Variants in LARP4B observed in about 807,000 individuals in gnomAD.
LARP4B encodes the protein la-related protein 4B.
A neutral mutation model predicts 89.8 loss-of-function variants in LARP4B; 12 were observed. The observed-to-expected ratio is 0.13, with a 90% CI of 0.09 to 0.22. LARP4B has a LOEUF of 0.22. LARP4B is among the 10% of genes least tolerant of loss of function. The pLI is 1.00. For synonymous variants in LARP4B, 367 were observed against 363.3 expected (o/e 1.01, Z -0.12); for missense variants, 757 against 947.7 (o/e 0.80, Z 2.64).
the LARP4B span, among the ~76,000 whole-genome samples, chr10:951,176 T>A: frequency 9.9e-5 from 15 of 152,212 alleles, no homozygotes; most frequent in African/African-American, 3.4e-4. Context: ...GTCTTTTCCA[T>A]TAAGTATCCT....
chr10:981,165 C>T, the LARP4B span, among the ~76,000 whole-genome samples: 1 of 152,310 alleles, frequency 6.6e-6, no homozygotes, highest in African/African-American at 2.4e-5. Context: ...GATCCAGTTC[C>T]CAATAATTTC....
At chr10:919,096 A>G (rs1219155882) in intron 1 of LARP4B, among the ~76,000 whole-genome samples, 1 of 152,190 alleles carries the variant, frequency 6.6e-6, no homozygotes, top group Non-Finnish European at 1.5e-5. Flanking sequence ...AAAGATAACC[A>G]CAATGAAAAT....
the LARP4B span, among the ~76,000 whole-genome samples, chr10:945,181 C>T: frequency 5.8e-4 from 87 of 150,764 alleles, 2 homozygotes; most frequent in South Asian, 6.3e-3. Context: ...GTCAGGAGTT[C>T]GAGACCAGCC....
the LARP4B span, among the ~76,000 whole-genome samples, chr10:965,164 T>TCCAG: frequency 8.5e-5 from 13 of 152,202 alleles, no homozygotes; most frequent in Non-Finnish European, 5.9e-5. Context: ...AATGGGTCCT[T>TCCAG]CCAGCCGTGT....
the LARP4B span, among the ~76,000 whole-genome samples, chr10:957,124 G>A: frequency 6.6e-6 from 1 of 152,056 alleles, no homozygotes; most frequent in Admixed American, 6.6e-5. Context: ...CTTCCTTCCG[G>A]GGAATCTGGT....
intron 1 of LARP4B, among the ~76,000 whole-genome samples, chr10:914,359 T>C (rs1352112124): frequency 2.0e-5 from 3 of 152,054 alleles, no homozygotes; most frequent in Admixed American, 1.3e-4. Context: ...GATCTTTGTA[T>C]GGTCAAAATG....
At chr10:951,515 C>A in the LARP4B span, among the ~76,000 whole-genome samples, 1 of 152,034 alleles carries the variant, frequency 6.6e-6, no homozygotes, top group Non-Finnish European at 1.5e-5. Context: ...CACTGCACTC[C>A]AGCCTGGGTG....
At chr10:861,531 T>C (rs1042822585) in intron 5 of LARP4B, among the ~76,000 whole-genome samples, 2 of 152,184 alleles carry the variant, frequency 1.3e-5, no homozygotes, top group African/African-American at 4.8e-5. Context: ...ATACCCCTTT[T>C]AAAAAGAATC....
At chr10:846,786 C>T (rs540662497) in intron 5 of LARP4B, among the ~76,000 whole-genome samples, 18 of 152,150 alleles carry the variant, frequency 1.2e-4, no homozygotes, top group African/African-American at 3.9e-4. Flanking sequence ...TAGGTGGTGC[C>T]GAAGCCACAA....
the LARP4B span, among the ~76,000 whole-genome samples, chr10:960,707 CAAAAAAAAAAAAAAAAA>C: frequency 7.6e-5 from 5 of 65,884 alleles, 1 homozygote; most frequent in African/African-American, 1.3e-4. Flanking sequence ...GACTCTGTCT[CAAAAAAAAAAAAAAAAA>C]AAAAAAAAAA....
At chr10:982,112 C>CTTTTTTTTTTTTTTTTTTT in the LARP4B span, among the ~76,000 whole-genome samples, 1 of 125,978 alleles carries the variant, frequency 7.9e-6, no homozygotes, top group Non-Finnish European at 1.7e-5. Context: ...TTCTTTCTTT[C>CTTTTTTTTTTTTTTTTTTT]TTTCTTTTTT....
chr10:892,937 G>C (rs1219577403), intron 1 of LARP4B, among the ~76,000 whole-genome samples: 1 of 128,898 alleles, frequency 7.8e-6, no homozygotes, highest in African/African-American at 2.9e-5. Flanking sequence ...TAAATACAGA[G>C]TCTTGCTCTG....
the LARP4B span, among the ~76,000 whole-genome samples, chr10:982,910 A>G: frequency 5.9e-5 from 9 of 152,236 alleles, no homozygotes; most frequent in African/African-American, 2.2e-4. Flanking sequence ...TGTTTTCTTA[A>G]GAGTTTGGAA....
rs185182634 is a variant in LARP4B, at chr10:916,216, T to C, written c.-40+15212A>G. Reference sequence around the variant, plus strand: ...ATGGTTATTATGTTAAATTGTTGTATGCCACAAAAATAACCAAATTTCCTT... The same window carrying C: ...ATGGTTATTATGTTAAATTGTTGTACGCCACAAAAATAACCAAATTTCCTT... On this transcript the variant is annotated intron_variant, in intron 1 of 17. Coordinates refer to ENST00000316157, the MANE Select transcript of LARP4B (RefSeq NM_015155.3). 9.2e-5 allele frequency among the ~76,000 whole-genome samples: 14 copies of C among 152,330 alleles called. No homozygotes were observed. In the East Asian group the frequency reaches 2.3e-3, roughly 25 times the overall value.
At chr10:940,150 T>C in the LARP4B span, among the ~76,000 whole-genome samples, 1 of 152,024 alleles carries the variant, frequency 6.6e-6, no homozygotes, top group African/African-American at 2.4e-5. Context: ...CCCGAGTAGC[T>C]GGGATTACAG....
chr10:885,595 CA>C (rs778872573), intron 2 of LARP4B, 45 bp downstream of exon 2: 16 of 1,448,090 alleles, frequency 1.1e-5, no homozygotes, highest in South Asian at 1.1e-4. Flanking sequence ...AGTCCTTTAT[CA>C]AAAAAAGCAA....
downstream of LARP4B, chr10:807,284 T>C (rs897805669): frequency 6.6e-6 from 1 of 152,234 alleles, no homozygotes; most frequent in Non-Finnish European, 1.5e-5. Context: ...GCGCCCCACA[T>C]TTCTGCACGC....
intron 1 of LARP4B, among the ~76,000 whole-genome samples, chr10:930,554 T>C (rs1349808006): frequency 6.6e-6 from 1 of 152,128 alleles, no homozygotes. Flanking sequence ...TACATTCGCA[T>C]GAAGTTTCGA....
At chr10:873,208 A>C in intron 3 of LARP4B, 4 of 985,416 alleles carry the variant, frequency 4.1e-6, no homozygotes, top group Non-Finnish European at 4.8e-6. Context: ...CGCACCTCAC[A>C]GTAACTTGCT....
Sources: allele counts gnomAD v4.1 joint callset (sites outside exome capture counted in the v4.1 genomes callset), GRCh38; gene constraint gnomAD v4.1.1; transcripts MANE v1.5; gene names NCBI Gene and HGNC (gene_info 2026-07-23, HGNC 2026-07-21).